PTPRD: variants seen among roughly 807,000 people sequenced by gnomAD.
PTPRD encodes receptor-type tyrosine-protein phosphatase delta.
Under a neutral mutation model 214.5 loss-of-function variants are expected in PTPRD, and 34 were observed. The ratio of observed to expected loss-of-function variants is 0.16; its 90% CI spans 0.12 to 0.21. The LOEUF is 0.21. Ranked by LOEUF, PTPRD falls within the 10% of genes least tolerant of loss-of-function variation. The pLI, the probability that PTPRD is intolerant of heterozygous loss-of-function variation, is 1.00. For synonymous variants in PTPRD, 1,128 were observed against 845.7 expected (o/e 1.33, Z -5.79); for missense variants, 2,545 against 2,398.7 (o/e 1.06, Z -1.27).
chr9:8,407,070 C>T (rs1331499593), intron 35 of PTPRD, among the ~76,000 whole-genome samples: 1 of 152,160 alleles, frequency 6.6e-6, no homozygotes, highest in Non-Finnish European at 1.5e-5. Flanking sequence ...CCACTCTTGC[C>T]ACATGTTTTC....
At chr9:9,446,067 T>C (rs2090295017) in intron 8 of PTPRD, among the ~76,000 whole-genome samples, 1 of 152,208 alleles carries the variant, frequency 6.6e-6, no homozygotes, top group African/African-American at 2.4e-5. Context: ...GGATAAAGAT[T>C]ATTTTATGAA....
chr9:9,052,333 A>T (rs1390919427), intron 10 of PTPRD, among the ~76,000 whole-genome samples: 3 of 152,206 alleles, frequency 2.0e-5, no homozygotes, highest in Non-Finnish European at 4.4e-5. Flanking sequence ...ATAAAGATTT[A>T]TTCATAACAT....
At chr9:10,174,111 G>T (rs1053496347) in intron 3 of PTPRD, among the ~76,000 whole-genome samples, 1 of 152,128 alleles carries the variant, frequency 6.6e-6, no homozygotes, top group African/African-American at 2.4e-5. Flanking sequence ...AGAGGTGAGG[G>T]TTAAAAATTT....
intron 3 of PTPRD, among the ~76,000 whole-genome samples, chr9:10,090,328 T>G (rs1464585865): frequency 6.6e-6 from 1 of 151,574 alleles, no homozygotes. Flanking sequence ...ATTCACCAAG[T>G]ACCTTAGTCA....
intron 2 of PTPRD, among the ~76,000 whole-genome samples, chr9:10,603,743 A>G (rs12001856): frequency 2.0e-3 from 299 of 151,972 alleles, no homozygotes; most frequent in African/African-American, 7.0e-3. Context: ...AAGATTTCTC[A>G]AGAACTCATG....
intron 14 of PTPRD, among the ~76,000 whole-genome samples, chr9:8,584,547 T>C (rs192786008): frequency 1.5e-3 from 234 of 152,338 alleles, no homozygotes; most frequent in African/African-American, 5.2e-3. Context: ...AAAAATACTA[T>C]TGGTTTTGAT....
At chr9:9,141,427 C>G (rs959450347) in intron 10 of PTPRD, among the ~76,000 whole-genome samples, 1 of 151,978 alleles carries the variant, frequency 6.6e-6, no homozygotes, top group African/African-American at 2.4e-5. Flanking sequence ...CTACCTTGAC[C>G]ACTTTAGAAT....
chr9:9,375,800 G>A (rs1225676745), intron 9 of PTPRD, among the ~76,000 whole-genome samples: 1 of 152,110 alleles, frequency 6.6e-6, no homozygotes, highest in East Asian at 1.9e-4. Context: ...CAGGGAGGAG[G>A]AGTTATTGTT....
chr9:9,737,417 G>C (rs1029226269), intron 6 of PTPRD, among the ~76,000 whole-genome samples: 1 of 151,960 alleles, frequency 6.6e-6, no homozygotes. Flanking sequence ...AGTATGTTCA[G>C]TTTGTGCAAA....
chr9:10,383,264 A>G (rs1285976073), intron 2 of PTPRD, among the ~76,000 whole-genome samples: 2 of 151,918 alleles, frequency 1.3e-5, no homozygotes, highest in Non-Finnish European at 2.9e-5. Context: ...TTCAAACACT[A>G]GTTAAACATC....
intron 8 of PTPRD, among the ~76,000 whole-genome samples, chr9:9,451,053 C>T (rs1207277592): frequency 6.6e-6 from 1 of 150,868 alleles, no homozygotes; most frequent in Non-Finnish European, 1.5e-5. Context: ...AAAAAGTCCA[C>T]AGAGGTCAAA....
intron 3 of PTPRD, among the ~76,000 whole-genome samples, chr9:10,313,564 A>G (rs1248840829): frequency 6.6e-6 from 1 of 151,974 alleles, no homozygotes; most frequent in African/African-American, 2.4e-5. Flanking sequence ...CAACTTGAAG[A>G]TAAAGTAGCT....
At chr9:9,199,873 T>C (rs556895086) in intron 9 of PTPRD, among the ~76,000 whole-genome samples, 32 of 152,318 alleles carry the variant, frequency 2.1e-4, no homozygotes, top group African/African-American at 6.7e-4. Flanking sequence ...TTACTGGACT[T>C]GGCATTAGAG....
chr9:9,359,542 T>A (rs764498912), intron 9 of PTPRD, among the ~76,000 whole-genome samples: 70 of 151,254 alleles, frequency 4.6e-4, no homozygotes, highest in Non-Finnish European at 1.8e-4. Flanking sequence ...GCAGCATGGC[T>A]GGGATTCAAT....
intron 12 of PTPRD, among the ~76,000 whole-genome samples, chr9:8,655,736 TTGC>T (rs2096895936): frequency 1.3e-5 from 2 of 149,896 alleles, no homozygotes; most frequent in African/African-American, 4.9e-5. Flanking sequence ...CCATTCCCAC[TTGC>T]TTTTTTTTTT....
chr9:10,133,216 A>T (rs1180981394), intron 3 of PTPRD, among the ~76,000 whole-genome samples: 3 of 152,150 alleles, frequency 2.0e-5, no homozygotes, highest in Non-Finnish European at 4.4e-5. Context: ...GCTGAAGTAT[A>T]TGTCCAGGTG....
chr9:8,748,555 A>C (rs2093147748), intron 11 of PTPRD, among the ~76,000 whole-genome samples: 1 of 151,328 alleles, frequency 6.6e-6, no homozygotes, highest in Non-Finnish European at 1.5e-5. Context: ...AAGAAAAAGA[A>C]AAAGAAAATG....
intron 7 of PTPRD, among the ~76,000 whole-genome samples, chr9:9,671,846 T>C (rs1411439182): frequency 6.6e-6 from 1 of 152,200 alleles, no homozygotes; most frequent in Non-Finnish European, 1.5e-5. Flanking sequence ...GTCTCAGGTA[T>C]GTCTTTATCA....
At chr9:9,876,524 A>T (rs539125306) in intron 5 of PTPRD, among the ~76,000 whole-genome samples, 1 of 152,334 alleles carries the variant, frequency 6.6e-6, no homozygotes, top group East Asian at 1.9e-4. Context: ...AGCACACATG[A>T]TGTGAAAACA....
Sources: gnomAD v4.1 joint callset for allele counts (sites outside exome capture counted in the v4.1 genomes callset) on GRCh38, gnomAD v4.1.1 for gene constraint, MANE v1.5 for transcripts, NCBI Gene and HGNC (gene_info 2026-07-23, HGNC 2026-07-21) for gene names.